Variants in KDM6A observed in about 807,000 individuals in gnomAD.
The protein encoded by KDM6A is lysine-specific demethylase 6A.
Under a neutral mutation model 117.6 loss-of-function variants are expected in KDM6A, and 11 were observed. The observed-to-expected ratio is 0.09, with a 90% CI of 0.06 to 0.15. The LOEUF (loss-of-function observed/expected upper bound fraction) is 0.15, where lower values mean the gene tolerates loss of function less well. Ranked by LOEUF, KDM6A falls within the 10% of genes least tolerant of loss-of-function variation. The pLI is 1.00. For missense variants in KDM6A, 799 were observed against 1,077.3 expected, an observed-to-expected ratio of 0.74 and a Z score of 3.62; for synonymous variants, 384 against 396.1, an observed-to-expected ratio of 0.97 and a Z score of 0.36.
chrX:45,046,970 T>C (rs1484449793), intron 8 of KDM6A, among the ~76,000 whole-genome samples: 1 of 107,060 alleles, frequency 9.3e-6, no homozygotes, highest in Non-Finnish European at 1.9e-5. Context: ...TCTCTTTTAT[T>C]GGTGGTGATG....
Position 45,059,447 on chromosome X carries a change from C to G in KDM6A, c.1175C>G (p.Ala392Gly). 1 of 1,204,911 alleles carries G rather than the reference C, an allele frequency of 8.3e-7. No individual in the cohort carries two copies. Among genetic ancestry groups the G allele is most frequent in the Non-Finnish European group, 1.1e-6 (1 of 889,992 alleles). The change falls in exon 12 of 30, where the codon GCA becomes GGA. Residue 392 changes from alanine (A) to glycine (G), a missense_variant. Physicochemically the swap from Ala to Gly is moderately conservative, Grantham distance 60 (BLOSUM62 0). Coordinates refer to ENST00000611820, the MANE Select transcript of KDM6A (RefSeq NM_001291415.2). ...TGTAGTAATACCTCTGCACTTGCAGCACGAATTAAGTATTTACAGGTAAAA... is the reference window on the plus strand; with the variant it reads ...TGTAGTAATACCTCTGCACTTGCAGGACGAATTAAGTATTTACAGGTAAAA... Reference protein sequence around the residue: ...KSCSNTSALAARIKYLQAQLC... With the variant: ...KSCSNTSALAGRIKYLQAQLC...
chrX:45,075,728 A>G (rs1209316210), intron 18 of KDM6A, among the ~76,000 whole-genome samples: 1 of 111,659 alleles, frequency 9.0e-6, no homozygotes, highest in Non-Finnish European at 1.9e-5. Context: ...AGATAAGGAA[A>G]ATTAATTTTG....
intron 5 of KDM6A, among the ~76,000 whole-genome samples, chrX:45,012,197 AT>A (rs760991442): frequency 0.038 from 2,617 of 68,909 alleles, 75 homozygotes; most frequent in African/African-American, 0.15. Context: ...CCCAATGTAG[AT>A]TTTTTTTTTT....
chrX:44,887,907 A>T lies in KDM6A; in HGVS notation c.225+13920A>T, dbSNP rs774577037. Among the ~76,000 whole-genome samples the T allele has an allele frequency of 8.1e-5, 9 of 111,219 alleles. No individual in the cohort carries two copies. In the East Asian group the frequency reaches 2.5e-3, roughly 31 times the overall value. ...TTTGTAGTTCCAGCTACATGGGAAAACCGCTCGAGCCCAGGAATTTAAGGC... is the reference window on the plus strand; with the variant it reads ...TTTGTAGTTCCAGCTACATGGGAAATCCGCTCGAGCCCAGGAATTTAAGGC... On this transcript the variant is annotated intron_variant, in intron 2 of 29. Coordinates refer to ENST00000611820, the MANE Select transcript of KDM6A (RefSeq NM_001291415.2).
At chrX:44,911,464 C>T (rs1298603639) in intron 2 of KDM6A, among the ~76,000 whole-genome samples, 7 of 107,288 alleles carry the variant, frequency 6.5e-5, no homozygotes, top group Admixed American at 9.8e-5. Flanking sequence ...ACATCTCAGA[C>T]GATGGGCGGC....
intron 3 of KDM6A, among the ~76,000 whole-genome samples, chrX:44,971,226 G>A (rs940844201): frequency 3.6e-5 from 4 of 111,397 alleles, no homozygotes; most frequent in African/African-American, 1.3e-4. Context: ...CTACCCTCAT[G>A]CATGAAGAAC....
rs2034653146 is a variant in KDM6A at position 44,906,296 on chromosome X, A to G, written c.225+32309A>G. 2.7e-5 allele frequency among the ~76,000 whole-genome samples: 3 copies of G among 110,428 alleles called. No homozygotes were observed. The South Asian group carries it at 1.2e-3, about 43-fold the overall frequency. On this transcript the variant is annotated intron_variant, in intron 2 of 29. Coordinates refer to ENST00000611820, the MANE Select transcript of KDM6A (RefSeq NM_001291415.2). Reference sequence around the variant, plus strand: ...CTCCTGAGTAGCTGAGACTACAGGCATGTACCACGCCTGGCTAATTTTTTT... The same window carrying G: ...CTCCTGAGTAGCTGAGACTACAGGCGTGTACCACGCCTGGCTAATTTTTTT...
intron 2 of KDM6A, among the ~76,000 whole-genome samples, chrX:44,922,027 C>CTTTTTTTTTTTTTTT (rs1412985730): frequency 0.012 from 452 of 37,712 alleles, 206 homozygotes; most frequent in Middle Eastern, 0.043. Flanking sequence ...ATTGTGTGTG[C>CTTTTTTTTTTTTTTT]CTTTTTTTTT....
intron 5 of KDM6A, 68 bp downstream of exon 5, chrX:45,011,087 G>A: frequency 1.2e-5 from 10 of 856,235 alleles, no homozygotes; most frequent in Non-Finnish European, 1.7e-5. Flanking sequence ...TTTTGTTTGT[G>A]CTTGATTTTT....
At chrX:45,088,112 A>G (rs769797677) in intron 25 of KDM6A, among the ~76,000 whole-genome samples, 14 of 111,348 alleles carry the variant, frequency 1.3e-4, no homozygotes, top group African/African-American at 4.6e-4. Context: ...GTTTTCTCTA[A>G]TTTTGTAATG....
At chrX:44,882,093 T>C (rs752279600) in intron 2 of KDM6A, among the ~76,000 whole-genome samples, 1 of 112,118 alleles carries the variant, frequency 8.9e-6, no homozygotes, top group East Asian at 2.8e-4. Flanking sequence ...GTCATCTAAT[T>C]CATTTTAGTT....
chrX:44,978,988 T>G (rs764096958), intron 4 of KDM6A, among the ~76,000 whole-genome samples: 107 of 112,471 alleles, frequency 9.5e-4, no homozygotes, highest in African/African-American at 3.3e-3. Flanking sequence ...TCTCAGTTGA[T>G]AAGTATTTGG....
chrX:44,894,932 A>G (rs1464252459), intron 2 of KDM6A, among the ~76,000 whole-genome samples: 1 of 108,720 alleles, frequency 9.2e-6, no homozygotes, highest in Non-Finnish European at 1.9e-5. Context: ...ATGCCTGGCT[A>G]GTTTTTGTAT....
Position 45,069,602 on chromosome X carries a change from A to G in KDM6A, c.2103A>G (p.Ser701=). The change falls in exon 18 of 30, where the codon TCA becomes TCG. Residue 701 remains serine (S), a synonymous_variant. Transcript: ENST00000611820. ...STQGLHKGQS[S]HSAGPNGERP... ...AGGGGCTTCACAAAGGTCAGAGTTC[A>G]CATTCGGCAGGTCCTAATGGTGAAC... 8.3e-7 allele frequency: 1 copy of G among 1,211,098 alleles called. No homozygotes were observed. Among genetic ancestry groups the G allele is most frequent in the Non-Finnish European group, 1.1e-6 (1 of 895,112 alleles).
chrX:44,897,947 T>C (rs990428437), intron 2 of KDM6A, among the ~76,000 whole-genome samples: 5 of 111,377 alleles, frequency 4.5e-5, no homozygotes, highest in African/African-American at 1.6e-4. Context: ...ATTCAGCTTC[T>C]TGCTGGGTCC....
At chrX:44,964,599 T>C (rs1045427228) in intron 3 of KDM6A, among the ~76,000 whole-genome samples, 6 of 111,498 alleles carry the variant, frequency 5.4e-5, no homozygotes, top group African/African-American at 2.0e-4. Context: ...GCATTGTCGG[T>C]GAGCAATAAT....
chrX:45,051,770 C>T lies in KDM6A; in HGVS notation c.716C>T (p.Ala239Val). 1.7e-6 allele frequency: 2 copies of T among 1,180,343 alleles called. No homozygotes were observed. The highest frequency in any genetic ancestry group is 2.3e-6 in the Non-Finnish European group (2 of 868,677). The change falls in exon 9 of 30, where the codon GCA (alanine) becomes GTA (valine). Residue 239 changes from alanine to valine, a missense_variant. Physicochemically the swap from Ala to Val is moderately conservative, Grantham distance 64. Coordinates refer to ENST00000611820, the MANE Select transcript of KDM6A (RefSeq NM_001291415.2). Reference protein sequence around the residue: ...EQLLQTENLSAQVKATVLQQL... With the variant: ...EQLLQTENLSVQVKATVLQQL... ...CTTTTGCAGACAGAGAATCTTTCTG[C>T]ACAAGTAAAAGCAACTGTCTTACAA...
chrX:44,885,723 T>A (rs2032800111), intron 2 of KDM6A, among the ~76,000 whole-genome samples: 1 of 109,772 alleles, frequency 9.1e-6, no homozygotes. Context: ...ACAAAAAAAA[T>A]TAGCCGGGCA....
intron 2 of KDM6A, among the ~76,000 whole-genome samples, chrX:44,927,758 C>G (rs1428231566): frequency 1.8e-5 from 2 of 111,374 alleles, no homozygotes; most frequent in African/African-American, 6.5e-5. Flanking sequence ...AGCCGGTCAC[C>G]AAACTATACT....
Sources: gnomAD v4.1 joint callset for allele counts (sites outside exome capture counted in the v4.1 genomes callset) on GRCh38, gnomAD v4.1.1 for gene constraint, MANE v1.5 for transcripts, NCBI Gene and HGNC (gene_info 2026-07-23, HGNC 2026-07-21) for gene names.